Variants in CRACD observed in about 807,000 individuals in gnomAD.
CRACD encodes capping protein inhibiting regulator of actin dynamics.
Under a neutral mutation model 106.8 loss-of-function variants are expected in CRACD, and 56 were observed. The observed-to-expected ratio is 0.52, with a 90% confidence interval of 0.42 to 0.66. The LOEUF (loss-of-function observed/expected upper bound fraction) is 0.66. CRACD is among the 30% of genes least tolerant of loss of function. The probability of loss-of-function intolerance (pLI) is 0.00; values close to 1 mark genes in which losing one functional copy is unlikely to be tolerated. For missense variants in CRACD, 1,730 were observed against 1,623.2 expected (o/e 1.07, Z -1.13); for synonymous variants, 754 against 670.8 (o/e 1.12, Z -1.92).
intron 2 of CRACD, among the ~76,000 whole-genome samples, chr4:56,220,115 G>A (rs116622534): frequency 0.017 from 2,577 of 152,280 alleles, 68 homozygotes; most frequent in African/African-American, 0.058. Context: ...TGGAGGGCCA[G>A]TTACACTAGC....
chr4:56,079,560 C>T (rs958178407), intron 1 of CRACD, among the ~76,000 whole-genome samples: 6 of 151,706 alleles, frequency 4.0e-5, no homozygotes, highest in African/African-American at 1.5e-4. Flanking sequence ...GTTCTCGTGT[C>T]TCAGCTTCCC....
At chr4:56,230,583 A>T (rs1412923456) in intron 2 of CRACD, among the ~76,000 whole-genome samples, 2 of 152,150 alleles carry the variant, frequency 1.3e-5, no homozygotes, top group Non-Finnish European at 2.9e-5. Context: ...AAATGAAGGG[A>T]TTGAACCTGA....
chr4:56,116,405 C>G (rs1734279623), intron 1 of CRACD, among the ~76,000 whole-genome samples: 1 of 152,190 alleles, frequency 6.6e-6, no homozygotes, highest in Non-Finnish European at 1.5e-5. Flanking sequence ...GTTCATTTTA[C>G]AAGGTCAGAG....
intron 2 of CRACD, among the ~76,000 whole-genome samples, chr4:56,256,619 A>G (rs1432986139): frequency 6.6e-6 from 1 of 152,242 alleles, no homozygotes; most frequent in African/African-American, 2.4e-5. Flanking sequence ...AAGGTACAGC[A>G]GTACTCCATC....
intron 1 of CRACD, among the ~76,000 whole-genome samples, chr4:56,178,780 T>C (rs977701834): frequency 6.6e-6 from 1 of 152,206 alleles, no homozygotes; most frequent in African/African-American, 2.4e-5. Context: ...CTACATTCAT[T>C]ACATCCTGGT....
At chr4:56,187,647 A>G (rs1481654134) in intron 2 of CRACD, among the ~76,000 whole-genome samples, 1 of 152,170 alleles carries the variant, frequency 6.6e-6, no homozygotes, top group African/African-American at 2.4e-5. Flanking sequence ...TACAATGTCC[A>G]TTTTAATCTT....
At chr4:56,294,913 C>CAAAAAAAAAAAAAAAAAAAAAAAAA (rs56200534) in intron 3 of CRACD, among the ~76,000 whole-genome samples, 2 of 72,166 alleles carry the variant, frequency 2.8e-5, no homozygotes, top group African/African-American at 6.0e-5. Context: ...GACCTTGTCT[C>CAAAAAAAAAAAAAAAAAAAAAAAAA]AAAAAAAAAA....
At chr4:56,145,349 A>G (rs1001995788) in intron 1 of CRACD, among the ~76,000 whole-genome samples, 1 of 152,244 alleles carries the variant, frequency 6.6e-6, no homozygotes, top group African/African-American at 2.4e-5. Context: ...ACTGAATCAC[A>G]CAATTTAAAA....
intron 8 of CRACD, among the ~76,000 whole-genome samples, chr4:56,319,997 AC>A (rs1745964500): frequency 6.6e-6 from 1 of 152,126 alleles, no homozygotes; most frequent in African/African-American, 2.4e-5. Flanking sequence ...ACATGGTGAA[AC>A]CCTGTCTCTA....
intron 1 of CRACD, among the ~76,000 whole-genome samples, chr4:56,117,066 G>A (rs555202975): frequency 1.3e-4 from 20 of 148,464 alleles, no homozygotes; most frequent in African/African-American, 4.8e-4. Flanking sequence ...TGTCACCCAG[G>A]CTGGAGTGCA....
chr4:56,128,291 C>T (rs536627755), intron 1 of CRACD, among the ~76,000 whole-genome samples: 73 of 152,182 alleles, frequency 4.8e-4, no homozygotes, highest in African/African-American at 1.6e-3. Flanking sequence ...TAGTGCTTTC[C>T]ATAGAGCATA....
chr4:56,310,151 C>A (rs1745041442), intron 5 of CRACD, among the ~76,000 whole-genome samples: 1 of 152,122 alleles, frequency 6.6e-6, no homozygotes, highest in African/African-American at 2.4e-5. Context: ...CCTTTTTCTT[C>A]TCCCTTTCTG....
Position 56,315,351 on chromosome 4 carries a change from G to C in CRACD, c.1849G>C (p.Ala617Pro). 1 of 1,613,662 alleles carries C rather than the reference G, an allele frequency of 6.2e-7. No homozygotes were observed. Among genetic ancestry groups the C allele is most frequent in the Admixed American group, 1.7e-5 (1 of 60,008 alleles). The part of the protein sequence containing the change: ...AVNLSQIKDT[A>P]CKSLLGLEEK... ...CAACCTGAGCCAGATCAAGGACACC[G>C]CGTGCAAGTCCCTCCTGGGCTTGGA... is the stretch of plus-strand genomic sequence containing the variant. Residue 617 changes from alanine (A) to proline (P), a missense_variant, in exon 8 of 11, where the codon GCG (alanine) becomes CCG (proline). This residue lies in a region of CRACD where 1,620 missense variants were observed against 1,481.6 expected (regional missense o/e 1.09). Transcript: ENST00000682029. This position sits in a 1 kb window ranked among gnomAD's most constrained non-coding sequence, Gnocchi z 4.1.
chr4:56,319,553 G>A (rs1745918576), intron 8 of CRACD, among the ~76,000 whole-genome samples: 3 of 151,714 alleles, frequency 2.0e-5, no homozygotes, highest in Middle Eastern at 3.2e-3. Context: ...ACAGTGAGCT[G>A]CGATCTCACC....
rs570928575 is a variant in CRACD at position 56,277,455 on chromosome 4, A to AT, written c.-17+4963_-17+4964insT. On this transcript the variant is annotated intron_variant, in intron 3 of 10. Transcript: ENST00000682029. ...GATCCAACATCCTTTCATGATTTAT[A>AT]AAAAAAAAAAAATAGACAACACTGG... Among the ~76,000 whole-genome samples, 289 of 40,872 alleles carry AT rather than the reference A, an allele frequency of 7.1e-3. 1 individual carries two copies. Among genetic ancestry groups the AT allele is most frequent in the African/African-American group, 0.042 (265 of 6,266 alleles). 26.8% of individuals were successfully genotyped at this position (40,872 alleles called of 152,430 possible).
intron 1 of CRACD, among the ~76,000 whole-genome samples, chr4:56,111,173 A>G (rs1251115473): frequency 1.3e-5 from 2 of 152,194 alleles, no homozygotes; most frequent in Non-Finnish European, 2.9e-5. Flanking sequence ...TGGAACAACT[A>G]GCAGGAGGGT....
chr4:56,101,659 A>G (rs1455224709), intron 1 of CRACD, among the ~76,000 whole-genome samples: 1 of 150,512 alleles, frequency 6.6e-6, no homozygotes, highest in Non-Finnish European at 1.5e-5. Context: ...GCTACTTGGG[A>G]GGCTGAGGCA....
chr4:56,141,683 T>G, intron 1 of CRACD, among the ~76,000 whole-genome samples: 1 of 46,906 alleles, frequency 2.1e-5, no homozygotes, highest in African/African-American at 1.8e-4. Flanking sequence ...GGAAGTACTA[T>G]TTTTTTTTTT....
At chr4:56,176,756 T>C (rs541251729) in intron 1 of CRACD, among the ~76,000 whole-genome samples, 6 of 152,318 alleles carry the variant, frequency 3.9e-5, no homozygotes, top group African/African-American at 1.4e-4. Context: ...ATTGGTGTTT[T>C]ATAGTTTTCA....
Sources: gnomAD v4.1 joint callset for allele counts (sites outside exome capture counted in the v4.1 genomes callset) on GRCh38, gnomAD v4.1.1 for gene constraint, gnomAD v4.1.1 regional missense constraint, Gnocchi (gnomAD v3.1) non-coding constraint, MANE v1.5 for transcripts, NCBI Gene and HGNC (gene_info 2026-07-23, HGNC 2026-07-21) for gene names.